Variants in FBXO5 observed in about 807,000 individuals in gnomAD.
The protein encoded by FBXO5 is F-box protein 5, also known as F-box only protein 5.
FBXO5 carries 8 observed loss-of-function variants against 43.3 expected under a neutral mutation model. The ratio of observed to expected loss-of-function variants is 0.18; its 90% confidence interval spans 0.11 to 0.33. The LOEUF (loss-of-function observed/expected upper bound fraction) is 0.33, where lower values mean the gene tolerates loss of function less well. FBXO5 is among the 10% of genes least tolerant of loss of function. The pLI is 1.00. For synonymous variants in FBXO5, 204 were observed against 193.7 expected (o/e 1.05, Z -0.44); for missense variants, 491 against 535.7 (o/e 0.92, Z 0.82).
Position 152,972,382 on chromosome 6 carries a change from C to G in FBXO5, c.982G>C (p.Val328Leu). 2.5e-6 allele frequency: 4 copies of G among 1,612,926 alleles called. No individual in the cohort carries two copies. Among genetic ancestry groups the G allele is most frequent in the Non-Finnish European group, 2.5e-6 (3 of 1,179,290 alleles). ...GAAGTCTGGGCTGCTGATTTCTGAA[C>G]AGAAGCCAGTGGGGTTCTGAACATA... ...YVMFRTPLAS[V>L]QKSAAQTSLK... is the part of the protein sequence containing the mutation. Residue 328 changes from valine (V) to leucine (L), a missense_variant, in exon 4 of 5, where the codon GTT becomes CTT. Val to Leu is a conservative substitution (Grantham distance 32). Coordinates refer to ENST00000229758, the MANE Select transcript of FBXO5 (RefSeq NM_012177.5).
At chr6:152,979,907 C>CA in intron 1 of FBXO5, among the ~76,000 whole-genome samples, 1 of 151,868 alleles carries the variant, frequency 6.6e-6, no homozygotes, top group African/African-American at 2.4e-5. Context: ...CTGTGGTTTC[C>CA]TTTTTTTTGG....
rs748270950 is a variant in FBXO5 at position 152,982,816 on chromosome 6, C to T, written c.103+41G>A. Reference sequence around the variant, plus strand: ...CTGCGACCCTCCCCGTGCACCCCTCCTGGCGTGCGCGCCCCCCTCGCGACC... The same window carrying T: ...CTGCGACCCTCCCCGTGCACCCCTCTTGGCGTGCGCGCCCCCCTCGCGACC... On this transcript the variant is annotated intron_variant, in intron 1 of 4. Transcript: ENST00000229758. The T allele has an allele frequency of 2.3e-5, 32 of 1,389,074 alleles. 1 individual carries two copies. The South Asian group carries it at 3.9e-4, about 17-fold the overall frequency. The allele number at this position is 1,389,074 out of a possible 1,614,324, so 86.0% of individuals were successfully genotyped here.
In FBXO5 at chr6:152,970,670, T is replaced by C. The variant is rs1368291014; in HGVS notation, c.*493A>G. On this transcript the variant is annotated 3_prime_UTR_variant, in exon 5 of 5. Coordinates refer to ENST00000229758, the MANE Select transcript of FBXO5 (RefSeq NM_012177.5). ...GAAATAAGGAAAACAAGCAAGTTTT[T>C]ACAAAGGATACTTTCTTGGGAAATA... The C allele has an allele frequency of 6.6e-6, 1 of 152,318 alleles. No individual in the cohort carries two copies. Among genetic ancestry groups the C allele is most frequent in the Non-Finnish European group, 1.5e-5 (1 of 68,102 alleles). The allele number at this position is 152,318 out of a possible 1,614,324, so 9.4% of individuals were successfully genotyped here.
rs115370019 is a variant in FBXO5 at position 152,979,607 on chromosome 6, T to A, written c.103+3250A>T. ...GAGTAAATTTATAAATCATTTGGAA[T>A]TCTTCTTTACAGCAGATTTGTCCAT... On this transcript the variant is annotated intron_variant, in intron 1 of 4. Transcript: ENST00000229758. 3.0e-3 allele frequency among the ~76,000 whole-genome samples: 457 copies of A among 152,366 alleles called. 3 individuals carry two copies. The highest frequency in any genetic ancestry group is 0.01 in the African/African-American group (432 of 41,588).
chr6:152,971,926 T>C (rs1778092389), intron 4 of FBXO5, among the ~76,000 whole-genome samples: 1 of 152,176 alleles, frequency 6.6e-6, no homozygotes, highest in Non-Finnish European at 1.5e-5. Flanking sequence ...AGGTTTTTCA[T>C]TATTTCTTCA....
At chr6:152,976,904 T>G (rs539540162) in intron 1 of FBXO5, among the ~76,000 whole-genome samples, 1 of 152,194 alleles carries the variant, frequency 6.6e-6, no homozygotes, top group South Asian at 2.1e-4. Context: ...TTAAGCAGCC[T>G]TTACCCATTA....
At chr6:152,973,935 C>T (rs1037930670) in intron 2 of FBXO5, 11 of 150,696 alleles carry the variant, frequency 7.3e-5, no homozygotes, top group African/African-American at 2.7e-4. Context: ...TAAACTCACA[C>T]TTGCAAAGAG....
chr6:152,982,699 C>T (rs1200969825), intron 1 of FBXO5, among the ~76,000 whole-genome samples, 158 bp downstream of exon 1: 1 of 152,166 alleles, frequency 6.6e-6, no homozygotes, highest in African/African-American at 2.4e-5. Flanking sequence ...CGCCCTCCTC[C>T]CGGACCCAGG....
rs752810640 is a variant in FBXO5, at chr6:152,972,384, G to C, written c.980C>G (p.Ser327Cys). 10 of 1,612,814 alleles carry C rather than the reference G, an allele frequency of 6.2e-6. No individual in the cohort carries two copies. Among genetic ancestry groups the C allele is most frequent in the Non-Finnish European group, 7.6e-6 (9 of 1,179,258 alleles). The change falls in exon 4 of 5, where the codon TCT becomes TGT. Residue 327 changes from serine to cysteine, a missense_variant. Coordinates refer to ENST00000229758, the MANE Select transcript of FBXO5 (RefSeq NM_012177.5). ...EYVMFRTPLA[S>C]VQKSAAQTSL... is the part of the protein sequence containing the mutation. ...AGTCTGGGCTGCTGATTTCTGAACAGAAGCCAGTGGGGTTCTGAACATAAC... is the reference window on the plus strand; with the variant it reads ...AGTCTGGGCTGCTGATTTCTGAACACAAGCCAGTGGGGTTCTGAACATAAC...
intron 1 of FBXO5, among the ~76,000 whole-genome samples, chr6:152,976,172 G>A (rs1003030409): frequency 6.6e-6 from 1 of 152,162 alleles, no homozygotes; most frequent in African/African-American, 2.4e-5. Context: ...AGGTATAAGG[G>A]TGGGAATAAT....
In FBXO5 at chr6:152,971,135, G is replaced by T; in HGVS notation, c.*28C>A. The T allele has an allele frequency of 1.3e-6, 2 of 1,564,760 alleles. No individual in the cohort carries two copies. The highest frequency in any genetic ancestry group is 8.6e-7 in the Non-Finnish European group (1 of 1,158,566). On this transcript the variant is annotated 3_prime_UTR_variant, in exon 5 of 5. Transcript: ENST00000229758. ...CTAACATTTTCTAACTAACATTCAT[G>T]ATCAGTAACAATTGATTTAATAAGA...
At chr6:152,979,247 A>C (rs996989765) in intron 1 of FBXO5, among the ~76,000 whole-genome samples, 1 of 152,212 alleles carries the variant, frequency 6.6e-6, no homozygotes, top group Non-Finnish European at 1.5e-5. Flanking sequence ...TATCCAGGAT[A>C]CATTACATTT....
At chr6:152,973,892 T>G (rs576404297) in intron 2 of FBXO5, 1 of 152,094 alleles carries the variant, frequency 6.6e-6, no homozygotes, top group African/African-American at 2.4e-5. Context: ...TTTATATCTG[T>G]TTTGCTTTAG....
chr6:152,982,784 T>C, intron 1 of FBXO5, 73 bp downstream of exon 1: 1 of 1,075,264 alleles, frequency 9.3e-7, no homozygotes, highest in African/African-American at 1.7e-5. Context: ...CGGGTCAGGG[T>C]CTCAGGCTGC....
chr6:152,973,201 T>C (rs909915723), intron 2 of FBXO5, 65 bp from the exon 3 acceptor site: 73 of 1,265,516 alleles, frequency 5.8e-5, no homozygotes, highest in Non-Finnish European at 7.6e-5. Context: ...ATGAATACAG[T>C]AGAAAAACAT....
chr6:152,982,755 T>C, intron 1 of FBXO5, 102 bp downstream of exon 1: 1 of 801,514 alleles, frequency 1.2e-6, no homozygotes, highest in East Asian at 3.4e-5. Flanking sequence ...TGGCCGCGCG[T>C]CCAGGCTCCG....
In FBXO5 at chr6:152,972,319, C is replaced by T. The variant is rs1331682545; in HGVS notation, c.1045G>A (p.Gly349Ser). ...CTATAAGTAGAACCTTTCTGATCAC[C>T]TTGATTGGATAACTTGGTTTGAGCA... ...KDAQTKLSNQGDQKGSTYSRH... is the reference protein window; with the variant it reads ...KDAQTKLSNQSDQKGSTYSRH... Residue 349 changes from glycine (G) to serine (S), a missense_variant, in exon 4 of 5, where the codon GGT becomes AGT. Physicochemically the swap from Gly to Ser is moderately conservative, Grantham distance 56 (BLOSUM62 0). Transcript: ENST00000229758. 1 of 1,612,756 alleles carries T rather than the reference C, an allele frequency of 6.2e-7. No individual in the cohort carries two copies. Among genetic ancestry groups the T allele is most frequent in the East Asian group, 2.2e-5 (1 of 44,794 alleles).
intron 1 of FBXO5, among the ~76,000 whole-genome samples, chr6:152,977,200 G>A (rs577586770): frequency 1.3e-5 from 2 of 152,270 alleles, no homozygotes; most frequent in African/African-American, 2.4e-5. Flanking sequence ...ATGGGGACAT[G>A]AGCTAAGAAA....
At chr6:152,973,273 G>A (rs1231297917) in intron 2 of FBXO5, 137 bp from the exon 3 acceptor site, 10 of 666,996 alleles carry the variant, frequency 1.5e-5, no homozygotes, top group African/African-American at 3.6e-5. Flanking sequence ...CATTACAATT[G>A]CCTGGCGGTT....
Sources: gnomAD v4.1 joint callset for allele counts (sites outside exome capture counted in the v4.1 genomes callset) on GRCh38, gnomAD v4.1.1 for gene constraint, MANE v1.5 for transcripts, NCBI Gene and HGNC (gene_info 2026-07-23, HGNC 2026-07-21) for gene names.